TAS2R1: variants seen among roughly 807,000 people sequenced by gnomAD.
TAS2R1 encodes taste 2 receptor member 1.
For synonymous variants in TAS2R1, 141 were observed against 134.2 expected (o/e 1.05, Z -0.35); for missense variants, 370 against 353.4 (o/e 1.05, Z -0.38).
chr5:9,834,562 AT>A, the TAS2R1 span, among the ~76,000 whole-genome samples: 1 of 152,178 alleles, frequency 6.6e-6, no homozygotes, highest in African/African-American at 2.4e-5. Flanking sequence ...TGAAAAAAAA[AT>A]ATTTTAAAGA....
intron 1 of TAS2R1, among the ~76,000 whole-genome samples, chr5:9,667,649 C>T (rs194094): frequency 0.36 from 54,460 of 152,042 alleles, 10,304 homozygotes; most frequent in Non-Finnish European, 0.43. Context: ...GGCATGAAGA[C>T]AGTAATCAAA....
chr5:9,697,647 A>G (rs1741386711), intron 1 of TAS2R1, among the ~76,000 whole-genome samples: 1 of 152,208 alleles, frequency 6.6e-6, no homozygotes, highest in Non-Finnish European at 1.5e-5. Context: ...TAGAGATCCA[A>G]TATGAAAAAC....
At chr5:9,762,873 CAG>C in the TAS2R1 span, among the ~76,000 whole-genome samples, 1 of 152,092 alleles carries the variant, frequency 6.6e-6, no homozygotes, top group Non-Finnish European at 1.5e-5. Context: ...AAATTGGAAA[CAG>C]AAAGAATTCT....
chr5:9,633,319 T>TATATATATATATACATAC (rs1475834697), upstream of TAS2R1, among the ~76,000 whole-genome samples: 1 of 137,480 alleles, frequency 7.3e-6, no homozygotes, highest in African/African-American at 3.0e-5. Flanking sequence ...TATATATATA[T>TATATATATATATACATAC]ACACAAATGT....
At chr5:9,698,158 A>G (rs1237612291) in intron 1 of TAS2R1, among the ~76,000 whole-genome samples, 1 of 152,212 alleles carries the variant, frequency 6.6e-6, no homozygotes, top group Non-Finnish European at 1.5e-5. Context: ...AAAATAAGGA[A>G]CAAAAGGCTA....
the TAS2R1 span, chr5:9,761,076 T>TA: frequency 6.6e-6 from 1 of 152,150 alleles, no homozygotes; most frequent in African/African-American, 2.4e-5. Context: ...TTGGAGCTAA[T>TA]AAGAGAATAA....
the TAS2R1 span, among the ~76,000 whole-genome samples, chr5:9,844,452 C>T: frequency 6.6e-6 from 1 of 152,192 alleles, no homozygotes; most frequent in Non-Finnish European, 1.5e-5. Flanking sequence ...TTACCTAGGT[C>T]ATGCCTGTTC....
At chr5:9,858,859 G>T in the TAS2R1 span, among the ~76,000 whole-genome samples, 2 of 152,162 alleles carry the variant, frequency 1.3e-5, no homozygotes, top group Non-Finnish European at 2.9e-5. Context: ...GAAATAATTT[G>T]CAAAAGAAAA....
the TAS2R1 span, among the ~76,000 whole-genome samples, chr5:9,731,591 T>C: frequency 6.6e-6 from 1 of 152,218 alleles, no homozygotes; most frequent in South Asian, 2.1e-4. Flanking sequence ...GTTTCCTCTT[T>C]CTGAAATATT....
chr5:9,777,317 C>A, the TAS2R1 span, among the ~76,000 whole-genome samples: 4 of 152,348 alleles, frequency 2.6e-5, no homozygotes, highest in South Asian at 6.2e-4. Flanking sequence ...TATTCTAAGT[C>A]TTTTGTGGTT....
At chr5:9,645,387 A>G (rs1367522701) in intron 2 of TAS2R1, among the ~76,000 whole-genome samples, 1 of 152,180 alleles carries the variant, frequency 6.6e-6, no homozygotes, top group Non-Finnish European at 1.5e-5. Flanking sequence ...TTAGCCATTA[A>G]GCATCACCGC....
the TAS2R1 span, among the ~76,000 whole-genome samples, chr5:9,819,405 A>G: frequency 6.6e-6 from 1 of 152,190 alleles, no homozygotes; most frequent in East Asian, 1.9e-4. Context: ...CAACCTGGAA[A>G]ACAAAGCAAT....
chr5:9,694,548 G>A (rs922575382), intron 1 of TAS2R1, among the ~76,000 whole-genome samples: 2 of 152,014 alleles, frequency 1.3e-5, no homozygotes, highest in Non-Finnish European at 2.9e-5. Flanking sequence ...TCCTCCTTTC[G>A]TGGCCCATCA....
At chr5:9,747,824 T>G in the TAS2R1 span, among the ~76,000 whole-genome samples, 8,693 of 151,842 alleles carry the variant, frequency 0.057, 726 homozygotes, top group African/African-American at 0.18. Context: ...TTTTTTTTTT[T>G]TTGAAAAGAG....
chr5:9,696,082 G>A (rs1741348860), intron 1 of TAS2R1, among the ~76,000 whole-genome samples: 1 of 152,090 alleles, frequency 6.6e-6, no homozygotes, highest in South Asian at 2.1e-4. Flanking sequence ...CAAAGCCAGA[G>A]GGAGAGTAAA....
At chr5:9,773,249 TAAC>T in the TAS2R1 span, among the ~76,000 whole-genome samples, 1 of 152,096 alleles carries the variant, frequency 6.6e-6, no homozygotes, top group South Asian at 2.1e-4. Flanking sequence ...TTTAAGCTAA[TAAC>T]AACACTGCAT....
intron 1 of TAS2R1, among the ~76,000 whole-genome samples, chr5:9,677,255 G>T (rs534393272): frequency 6.6e-6 from 1 of 152,126 alleles, no homozygotes; most frequent in Non-Finnish European, 1.5e-5. Flanking sequence ...ACACCTATTG[G>T]AGGGTGAAGG....
At chr5:9,830,601 G>A in the TAS2R1 span, among the ~76,000 whole-genome samples, 2 of 61,476 alleles carry the variant, frequency 3.3e-5, no homozygotes, top group Non-Finnish European at 3.9e-5. Context: ...AGACACGTGC[G>A]CGCGCACACA....
intron 1 of TAS2R1, among the ~76,000 whole-genome samples, chr5:9,675,316 C>A (rs1263007761): frequency 1.3e-5 from 2 of 151,358 alleles, no homozygotes; most frequent in Non-Finnish European, 2.9e-5. Context: ...TAGATATCAA[C>A]AAACTTATTC....
Sources: gnomAD v4.1 joint callset for allele counts (sites outside exome capture counted in the v4.1 genomes callset) on GRCh38, gnomAD v4.1.1 for gene constraint, MANE v1.5 for transcripts, NCBI Gene and HGNC (gene_info 2026-07-23, HGNC 2026-07-21) for gene names.